MFSD8: variants seen among roughly 807,000 people sequenced by gnomAD.
MFSD8 encodes major facilitator superfamily domain containing 8.
A neutral mutation model predicts 66.4 loss-of-function variants in MFSD8; 55 were observed. The ratio of observed to expected loss-of-function variants is 0.83; its 90% CI spans 0.67 to 1.04. MFSD8 has a LOEUF of 1.04. Ranked by LOEUF, MFSD8 falls within the 50% of genes least tolerant of loss-of-function variation. MFSD8 has a pLI of 0.00. For synonymous variants in MFSD8, 202 were observed against 212.8 expected (o/e 0.95, Z 0.44); for missense variants, 550 against 627.6 (o/e 0.88, Z 1.32).
intron 9 of MFSD8, among the ~76,000 whole-genome samples, chr4:127,928,263 G>A (rs562600040): frequency 4.6e-5 from 7 of 151,982 alleles, no homozygotes; most frequent in Admixed American, 2.6e-4. Flanking sequence ...GTGCCACCAC[G>A]CCCTGTATTT....
intron 5 of MFSD8, among the ~76,000 whole-genome samples, chr4:127,940,736 A>C (rs2148910928): frequency 6.8e-6 from 1 of 146,240 alleles, no homozygotes; most frequent in Non-Finnish European, 1.5e-5. Context: ...AAGTGGCAAA[A>C]TCTAATTTGG....
In MFSD8 at chr4:127,947,896, A is replaced by T. The variant is rs530585793; in HGVS notation, c.198+1908T>A. Among the ~76,000 whole-genome samples the T allele has an allele frequency of 3.6e-3, 528 of 145,222 alleles. 6 individuals carry two copies. Among genetic ancestry groups the T allele is most frequent in the African/African-American group, 0.012 (478 of 40,036 alleles). ...CACACACACACACACACACACACACACACTCTCTCTCCAACCTCATAGAAA... is the reference window on the plus strand; with the variant it reads ...CACACACACACACACACACACACACTCACTCTCTCTCCAACCTCATAGAAA... On this transcript the variant is annotated intron_variant, in intron 3 of 11. Coordinates refer to ENST00000641686, the MANE Select transcript of MFSD8 (RefSeq NM_001371596.2).
rs1736182553 is a variant in MFSD8, at chr4:127,920,410, T to A, written c.*220A>T. The A allele has an allele frequency of 1.7e-6, 1 of 575,010 alleles. No homozygotes were observed. Among genetic ancestry groups the A allele is most frequent in the African/African-American group, 1.9e-5 (1 of 53,258 alleles). The allele number at this position is 575,010 out of a possible 1,614,324, so 35.6% of individuals were successfully genotyped here. A position where few individuals can be genotyped will look rare whatever the true frequency, so the allele number is the denominator to read the frequency against. ...AGGTATTATAAGAATAATATTTCAT[T>A]TCTGAGGTAAGGAAATTATCATCTA... On this transcript the variant is annotated 3_prime_UTR_variant, in exon 12 of 12. Coordinates refer to ENST00000641686, the MANE Select transcript of MFSD8 (RefSeq NM_001371596.2).
At chr4:127,959,324 G>A (rs1255248622) in intron 1 of MFSD8, among the ~76,000 whole-genome samples, 1 of 152,132 alleles carries the variant, frequency 6.6e-6, no homozygotes, top group Non-Finnish European at 1.5e-5. Context: ...TAGGTTAGGG[G>A]AGTCTAAAAA....
At chr4:127,920,928 T>TA (rs1736254820) in intron 11 of MFSD8, 92 bp from the exon 12 acceptor site, 1 of 1,195,660 alleles carries the variant, frequency 8.4e-7, no homozygotes, top group Admixed American at 2.1e-5. Context: ...ACAGCAAACT[T>TA]ACAAGAATCA....
intron 11 of MFSD8, 25 bp from the exon 12 acceptor site, chr4:127,920,861 A>G: frequency 6.2e-7 from 1 of 1,607,126 alleles, no homozygotes; most frequent in Non-Finnish European, 8.5e-7. Flanking sequence ...ATGGAGGACA[A>G]GCAGATTGAT....
chr4:127,925,928 T>C (rs1737127233), intron 9 of MFSD8, among the ~76,000 whole-genome samples: 1 of 152,212 alleles, frequency 6.6e-6, no homozygotes, highest in Admixed American at 6.5e-5. Flanking sequence ...GATGAGTTCA[T>C]GTCTTTTACA....
At chr4:127,922,676 A>C (rs1443165276) in intron 9 of MFSD8, among the ~76,000 whole-genome samples, 1 of 152,186 alleles carries the variant, frequency 6.6e-6, no homozygotes, top group East Asian at 1.9e-4. Flanking sequence ...ATTAAAATAA[A>C]GTACTCTTTG....
At chr4:127,938,638 T>G in intron 7 of MFSD8, 145 bp downstream of exon 7, 1 of 354,622 alleles carries the variant, frequency 2.8e-6, no homozygotes, top group Non-Finnish European at 5.3e-6. Flanking sequence ...TAAATAAATT[T>G]AGGTCACTTT....
intron 1 of MFSD8, among the ~76,000 whole-genome samples, chr4:127,959,218 A>G (rs1318395761): frequency 6.6e-6 from 1 of 152,234 alleles, no homozygotes; most frequent in Non-Finnish European, 1.5e-5. Flanking sequence ...TAAACAGTCC[A>G]TAAATCCAGA....
At chr4:127,955,386 C>G (rs1335141530) in intron 2 of MFSD8, among the ~76,000 whole-genome samples, 1 of 151,822 alleles carries the variant, frequency 6.6e-6, no homozygotes, top group Admixed American at 6.6e-5. Context: ...ACTAAAAATA[C>G]AAAAATTAGC....
In MFSD8 at chr4:127,921,646, A is replaced by G. The variant is rs777361767; in HGVS notation, c.1228T>C (p.Tyr410His). The G allele has an allele frequency of 4.3e-6, 7 of 1,614,228 alleles. No individual in the cohort carries two copies. In the South Asian group the frequency reaches 5.5e-5, roughly 13 times the overall value. ...TGGGCCAGATGAATCACCGGGGTGT[A>G]GAGGCACCAGGCTTGTTCAATCGAG... ...GCSIEQAWCLYTPVIHLAQFL... is the reference protein window; with the variant it reads ...GCSIEQAWCLHTPVIHLAQFL... The change falls in exon 11 of 12, where the codon TAC (tyrosine) becomes CAC (histidine). Residue 410 changes from tyrosine (Y) to histidine (H), a missense_variant. Transcript: ENST00000641686.
At chr4:127,942,888 T>C (rs1451996963) in intron 4 of MFSD8, among the ~76,000 whole-genome samples, 2 of 152,246 alleles carry the variant, frequency 1.3e-5, no homozygotes, top group Admixed American at 6.5e-5. Context: ...TTAGGGGGCA[T>C]AGGATATTTT....
At chr4:127,929,216 G>A (rs1433408940) in intron 9 of MFSD8, among the ~76,000 whole-genome samples, 2 of 150,320 alleles carry the variant, frequency 1.3e-5, no homozygotes, top group Non-Finnish European at 1.5e-5. Flanking sequence ...CCAGCTACTT[G>A]GGAGGCTGAG....
intron 5 of MFSD8, 68 bp from the exon 6 acceptor site, chr4:127,940,065 A>T (rs1476920501): frequency 2.2e-6 from 3 of 1,356,472 alleles, no homozygotes; most frequent in Non-Finnish European, 3.1e-6. Context: ...AATGAAAAAG[A>T]CATTTACAAC....
intron 9 of MFSD8, among the ~76,000 whole-genome samples, chr4:127,927,512 G>T (rs1050832107): frequency 3.3e-5 from 5 of 152,136 alleles, no homozygotes; most frequent in African/African-American, 1.2e-4. Flanking sequence ...AACTTATGAT[G>T]ATCAGTTTAT....
chr4:127,937,554 A>T (rs141324434), intron 7 of MFSD8, among the ~76,000 whole-genome samples: 191 of 152,330 alleles, frequency 1.3e-3, no homozygotes, highest in African/African-American at 4.3e-3. Flanking sequence ...TGTTCTCTTA[A>T]AAAGAAAAAC....
At chr4:127,923,788 G>A (rs2200842) in intron 9 of MFSD8, among the ~76,000 whole-genome samples, 151,653 of 151,680 alleles carry the variant, frequency 1, 75,813 homozygotes, top group East Asian at 1. Context: ...TCACTGTGTT[G>A]GCCAGGATGG....
chr4:127,922,997 A>C (rs1196684481), intron 9 of MFSD8, among the ~76,000 whole-genome samples: 1 of 152,228 alleles, frequency 6.6e-6, no homozygotes, highest in Non-Finnish European at 1.5e-5. Flanking sequence ...TTGCCAAAAA[A>C]TTGAACCCAA....
Sources: gnomAD v4.1 joint callset for allele counts (sites outside exome capture counted in the v4.1 genomes callset) on GRCh38, gnomAD v4.1.1 for gene constraint, MANE v1.5 for transcripts, NCBI Gene and HGNC (gene_info 2026-07-23, HGNC 2026-07-21) for gene names.